Variants in HMCN1 observed in about 807,000 individuals in gnomAD.
HMCN1 encodes hemicentin-1.
A neutral mutation model predicts 625.9 loss-of-function variants in HMCN1; 321 were observed. That is an observed-to-expected ratio of 0.51 (90% CI 0.47 to 0.56). HMCN1 has a LOEUF of 0.56. HMCN1 is among the 20% of genes least tolerant of loss of function. The pLI, the probability that HMCN1 is intolerant of heterozygous loss-of-function variation, is 0.00. For missense variants in HMCN1, 6,588 were observed against 6,887.3 expected (o/e 0.96, Z 1.54); for synonymous variants, 2,425 against 2,417.6 (o/e 1.00, Z -0.09).
chr1:185,777,610 C>G (rs1656710306), intron 1 of HMCN1, among the ~76,000 whole-genome samples: 1 of 152,122 alleles, frequency 6.6e-6, no homozygotes, highest in South Asian at 2.1e-4. Context: ...CGCCACCACA[C>G]CCAGCTAATT....
Position 186,189,570 on chromosome 1 carries a change from T to C in HMCN1, c.16600T>C (p.Leu5534=). The part of the protein sequence containing the change: ...DLECALSPYA[L]EYKLVSLPFG... ...GGAATGTGCCTTGAGCCCATATGCC[T>C]TGGAATACAAACTCGTCTCCCTCCC... The change falls in exon 107 of 107, where the codon TTG becomes CTG. Residue 5534 remains leucine (L), a synonymous_variant. Transcript: ENST00000271588. 6.2e-7 allele frequency: 1 copy of C among 1,613,774 alleles called. No individual in the cohort carries two copies. Among genetic ancestry groups the C allele is most frequent in the Non-Finnish European group, 8.5e-7 (1 of 1,179,822 alleles).
chr1:186,150,213 A>G (rs1650582314), intron 93 of HMCN1, among the ~76,000 whole-genome samples: 1 of 152,200 alleles, frequency 6.6e-6, no homozygotes, highest in South Asian at 2.1e-4. Context: ...CAGTATCTGA[A>G]ATTCCTAGTG....
intron 11 of HMCN1, among the ~76,000 whole-genome samples, chr1:185,941,069 C>T (rs1284204077): frequency 2.0e-5 from 3 of 152,052 alleles, no homozygotes; most frequent in African/African-American, 4.8e-5. Flanking sequence ...GCTGGCCAGG[C>T]TCATCTCGAG....
intron 13 of HMCN1, 25 bp downstream of exon 13, chr1:185,963,920 A>G (rs1291108219): frequency 6.3e-7 from 1 of 1,598,104 alleles, no homozygotes; most frequent in Non-Finnish European, 8.6e-7. Context: ...TTTAAAAGGC[A>G]ATTAAAATAG....
Position 185,909,474 on chromosome 1 carries a change from G to A in HMCN1, c.759G>A (p.Gly253=). Residue 253 remains glycine (G), a synonymous_variant, in exon 5 of 107, where the codon GGG becomes GGA. Transcript: ENST00000271588. ...AAGAGGTCACTGTGTCTTTGAGTGG[G>A]CCTTCTCCAATGATTGAAATTCGCA... is the stretch of plus-strand genomic sequence containing the variant. ...SLKEVTVSLS[G]PSPMIEIRNP... is the part of the protein sequence containing the mutation. 1.2e-6 allele frequency: 2 copies of A among 1,613,464 alleles called. No homozygotes were observed. The highest frequency in any genetic ancestry group is 1.7e-6 in the Non-Finnish European group (2 of 1,179,616).
intron 1 of HMCN1, among the ~76,000 whole-genome samples, chr1:185,749,701 G>A (rs549890989): frequency 3.5e-4 from 53 of 152,192 alleles, no homozygotes; most frequent in African/African-American, 1.2e-3. Flanking sequence ...CCCTCTACAG[G>A]TACTCCTCTA....
chr1:185,857,572 G>C (rs888042125), intron 2 of HMCN1, among the ~76,000 whole-genome samples: 18 of 152,006 alleles, frequency 1.2e-4, no homozygotes, highest in Non-Finnish European at 2.1e-4. Context: ...CTGTATGCCA[G>C]GACAGAGAGG....
chr1:185,956,404 G>A (rs1053745231), intron 11 of HMCN1, among the ~76,000 whole-genome samples: 1 of 152,100 alleles, frequency 6.6e-6, no homozygotes, highest in African/African-American at 2.4e-5. Flanking sequence ...ACCCCCTCCT[G>A]GAGTTTGATT....
intron 6 of HMCN1, among the ~76,000 whole-genome samples, chr1:185,919,441 C>A (rs1432198595): frequency 6.6e-6 from 1 of 152,132 alleles, no homozygotes; most frequent in Non-Finnish European, 1.5e-5. Context: ...CTAGCAATAG[C>A]AAGCATTCTG....
chr1:185,866,974 T>A (rs1436126250), intron 4 of HMCN1, among the ~76,000 whole-genome samples: 1 of 152,132 alleles, frequency 6.6e-6, no homozygotes, highest in Non-Finnish European at 1.5e-5. Context: ...TCACTGTATC[T>A]CTACAAGTTC....
At chr1:186,137,334 T>TTC (rs914004769) in intron 87 of HMCN1, among the ~76,000 whole-genome samples, 164 bp from the exon 88 acceptor site, 1 of 152,206 alleles carries the variant, frequency 6.6e-6, no homozygotes, top group Non-Finnish European at 1.5e-5. Context: ...ACTGAAGTTC[T>TTC]TCTCTCTCTC....
intron 52 of HMCN1, among the ~76,000 whole-genome samples, chr1:186,074,100 G>T (rs10752960): frequency 0.63 from 94,854 of 151,628 alleles, 31,488 homozygotes; most frequent in African/African-American, 0.87. Flanking sequence ...ATGAATGAGG[G>T]GGAATTTAGT....
At chr1:186,056,017 A>G (rs1012407013) in intron 45 of HMCN1, among the ~76,000 whole-genome samples, 1 of 152,030 alleles carries the variant, frequency 6.6e-6, no homozygotes, top group African/African-American at 2.4e-5. Flanking sequence ...TATAAACGTA[A>G]GCTCCTTAGA....
At chr1:186,007,865 G>A (rs114581750) in intron 30 of HMCN1, among the ~76,000 whole-genome samples, 1,993 of 152,172 alleles carry the variant, frequency 0.013, 50 homozygotes, top group African/African-American at 0.045. Context: ...CCATAGGTAG[G>A]CACATGAATA....
chr1:186,156,137 T>G (rs1043231211), intron 97 of HMCN1, among the ~76,000 whole-genome samples: 1 of 152,086 alleles, frequency 6.6e-6, no homozygotes, highest in East Asian at 1.9e-4. Flanking sequence ...AAATTAATTA[T>G]AAAGTATATA....
chr1:186,150,085 G>A (rs1650573525), intron 93 of HMCN1, among the ~76,000 whole-genome samples: 1 of 152,086 alleles, frequency 6.6e-6, no homozygotes, highest in Non-Finnish European at 1.5e-5. Flanking sequence ...TGCAAAAATG[G>A]TACCGGTAGA....
intron 37 of HMCN1, 127 bp from the exon 38 acceptor site, chr1:186,038,702 A>T: frequency 1.5e-6 from 1 of 678,010 alleles, no homozygotes; most frequent in Non-Finnish European, 2.6e-6. Flanking sequence ...AGAGATGATT[A>T]TGTAAACAGA....
At chr1:185,805,793 C>G (rs1402880646) in intron 1 of HMCN1, among the ~76,000 whole-genome samples, 1 of 152,184 alleles carries the variant, frequency 6.6e-6, no homozygotes, top group African/African-American at 2.4e-5. Context: ...GTGAGCAGCA[C>G]AGCATGTCAG....
At chr1:185,912,659 C>T (rs927922130) in intron 6 of HMCN1, among the ~76,000 whole-genome samples, 10 of 151,942 alleles carry the variant, frequency 6.6e-5, no homozygotes, top group African/African-American at 1.9e-4. Context: ...AAAGGTTGTT[C>T]GGCTGAGGAA....
Sources: gnomAD v4.1 joint callset for allele counts (sites outside exome capture counted in the v4.1 genomes callset) on GRCh38, gnomAD v4.1.1 for gene constraint, MANE v1.5 for transcripts, NCBI Gene and HGNC (gene_info 2026-07-23, HGNC 2026-07-21) for gene names.